ITGB6: variants seen among roughly 807,000 people sequenced by gnomAD.
ITGB6 encodes integrin subunit beta 6, also known as integrin beta-6.
In ITGB6, 80 loss-of-function variants were observed where a neutral mutation model predicts 84.5. The observed-to-expected ratio is 0.95, with a 90% CI of 0.79 to 1.14. The LOEUF is 1.14. Among genes scored for constraint, ITGB6 ranks in the 50% most tolerant of loss-of-function variants. ITGB6 has a pLI of 0.00. For missense variants in ITGB6, 1,006 were observed against 968.0 expected (o/e 1.04, Z -0.52); for synonymous variants, 383 against 354.9 (o/e 1.08, Z -0.89).
In ITGB6 at chr2:160,126,406, G is replaced by T; in HGVS notation, c.1856C>A (p.Thr619Asn). 1 of 1,614,178 alleles carries T rather than the reference G, an allele frequency of 6.2e-7. No homozygotes were observed. The highest frequency in any genetic ancestry group is 1.3e-5 in the African/African-American group (1 of 75,058). The change falls in exon 11 of 15, where the codon ACC becomes AAC. Residue 619 changes from threonine (T) to asparagine (N), a missense_variant. Coordinates refer to ENST00000283249, the MANE Select transcript of ITGB6 (RefSeq NM_000888.5). ...TTTAGAGTTACAGGGGTCACCACAG[G>T]TAGGACATCGTTCACAGGTTGGTCC... is the stretch of plus-strand genomic sequence containing the variant. ...ASGPTCERCP[T>N]CGDPCNSKRS...
intron 4 of ITGB6, among the ~76,000 whole-genome samples, chr2:160,179,283 A>G (rs1574127405): frequency 6.6e-6 from 1 of 151,826 alleles, no homozygotes; most frequent in African/African-American, 2.4e-5. Context: ...TTTCACATGG[A>G]CTTATTACCT....
At chr2:160,177,672 T>C (rs1685483440) in intron 4 of ITGB6, among the ~76,000 whole-genome samples, 1 of 152,234 alleles carries the variant, frequency 6.6e-6, no homozygotes, top group Non-Finnish European at 1.5e-5. Context: ...CTTAAAAGTT[T>C]TGATGCAGTC....
chr2:160,155,581 A>C (rs908243714), intron 7 of ITGB6, among the ~76,000 whole-genome samples: 3 of 152,168 alleles, frequency 2.0e-5, no homozygotes, highest in Non-Finnish European at 4.4e-5. Flanking sequence ...AAATCTCTCT[A>C]TACCCTCTAC....
intron 4 of ITGB6, among the ~76,000 whole-genome samples, chr2:160,186,736 C>T (rs1331514314): frequency 6.6e-6 from 1 of 152,126 alleles, no homozygotes; most frequent in African/African-American, 2.4e-5. Flanking sequence ...CAATGATAGA[C>T]TGGATAAAGA....
At chr2:160,186,578 C>T (rs1685907195) in intron 4 of ITGB6, among the ~76,000 whole-genome samples, 1 of 152,098 alleles carries the variant, frequency 6.6e-6, no homozygotes, top group Non-Finnish European at 1.5e-5. Context: ...GGATCTAGAA[C>T]CAGAAATACC....
At chr2:160,197,653 T>C (rs1384990874) in intron 2 of ITGB6, among the ~76,000 whole-genome samples, 1 of 152,236 alleles carries the variant, frequency 6.6e-6, no homozygotes, top group Non-Finnish European at 1.5e-5. Flanking sequence ...GAGAATACAA[T>C]TTGTTATCTA....
intron 7 of ITGB6, among the ~76,000 whole-genome samples, chr2:160,164,327 C>T (rs991579927): frequency 1.3e-5 from 2 of 152,158 alleles, no homozygotes; most frequent in African/African-American, 4.8e-5. Context: ...GTCTTAGTTT[C>T]AATGATATGC....
At chr2:160,116,071 A>G (rs1044642188) in intron 12 of ITGB6, among the ~76,000 whole-genome samples, 1 of 147,648 alleles carries the variant, frequency 6.8e-6, no homozygotes, top group Non-Finnish European at 1.5e-5. Flanking sequence ...GAATGGAACC[A>G]AGTTGGAAAA....
Position 160,196,389 on chromosome 2 carries a change from C to G in ITGB6, c.173G>C (p.Arg58Thr), listed in dbSNP as rs1274368531. 4.3e-6 allele frequency: 7 copies of G among 1,613,648 alleles called. No individual in the cohort carries two copies. Among genetic ancestry groups the G allele is most frequent in the Non-Finnish European group, 5.9e-6 (7 of 1,179,832 alleles). ...NFTHPSGVGE[R>T]CDTPANLLAK... ...TAAAAGGTTTGCTGGGGTATCACAC[C>G]TTTCGCCAACTCCAGATGGATGAGT... Residue 58 changes from arginine (R) to threonine (T), a missense_variant, in exon 3 of 15, where the codon AGG becomes ACG. Physicochemically the swap from Arg to Thr is moderately conservative, Grantham distance 71. Transcript: ENST00000283249.
intron 7 of ITGB6, among the ~76,000 whole-genome samples, chr2:160,143,865 G>T (rs1684091756): frequency 6.6e-6 from 1 of 152,140 alleles, no homozygotes; most frequent in Non-Finnish European, 1.5e-5. Flanking sequence ...TGCATGCAGG[G>T]TGCCCCGGGC....
intron 4 of ITGB6, 151 bp from the exon 5 acceptor site, chr2:160,174,290 G>T (rs1219224742): frequency 6.4e-6 from 4 of 621,422 alleles, no homozygotes; most frequent in Non-Finnish European, 1.1e-5. Context: ...CACTGTTAAG[G>T]TTGTTGACAT....
At chr2:160,187,705 G>A (rs780940363) in intron 4 of ITGB6, among the ~76,000 whole-genome samples, 9 of 151,988 alleles carry the variant, frequency 5.9e-5, no homozygotes, top group Non-Finnish European at 8.8e-5. Flanking sequence ...TTTTTGTTTT[G>A]TTTCAGAAAA....
At chr2:160,120,054 T>G (rs35324843) in intron 12 of ITGB6, among the ~76,000 whole-genome samples, 98,257 of 148,456 alleles carry the variant, frequency 0.66, 32,807 homozygotes, top group Admixed American at 0.73. Context: ...TAGGAACACT[T>G]TTACACTGTT....
chr2:160,169,271 C>T lies in ITGB6; in HGVS notation c.958G>A (p.Val320Ile). ...PTIGQLIDKL[V>I]QNNVLLIFAV... ...AAGATCAATAACACGTTGTTTTGTACCAGTTTATCAATGAGTTGTCCAATT... is the reference window on the plus strand; with the variant it reads ...AAGATCAATAACACGTTGTTTTGTATCAGTTTATCAATGAGTTGTCCAATT... The change falls in exon 7 of 15, where the codon GTA (valine) becomes ATA (isoleucine). Residue 320 changes from valine (V) to isoleucine (I), a missense_variant. Transcript: ENST00000283249. The T allele has an allele frequency of 6.2e-7, 1 of 1,601,776 alleles. No individual in the cohort carries two copies. The highest frequency in any genetic ancestry group is 2.2e-5 in the East Asian group (1 of 44,574).
At chr2:160,179,836 G>T (rs935887861) in intron 4 of ITGB6, among the ~76,000 whole-genome samples, 1 of 149,670 alleles carries the variant, frequency 6.7e-6, no homozygotes, top group African/African-American at 2.5e-5. Context: ...GGTGGTTCAC[G>T]CCTGTAATCC....
intron 14 of ITGB6, among the ~76,000 whole-genome samples, chr2:160,104,582 ACT>A (rs1362216429): frequency 1.3e-5 from 2 of 151,996 alleles, no homozygotes; most frequent in East Asian, 1.9e-4. Flanking sequence ...TAATAGGAAA[ACT>A]CTGTCATGAC....
intron 14 of ITGB6, among the ~76,000 whole-genome samples, chr2:160,104,307 G>T (rs1559076241): frequency 6.6e-6 from 1 of 152,182 alleles, no homozygotes; most frequent in Non-Finnish European, 1.5e-5. Flanking sequence ...ATTGGGTTTT[G>T]TTCCAGGAGG....
intron 7 of ITGB6, among the ~76,000 whole-genome samples, chr2:160,160,708 C>T (rs934792981): frequency 2.0e-5 from 3 of 152,068 alleles, no homozygotes; most frequent in Admixed American, 6.6e-5. Flanking sequence ...AAGGCTATGA[C>T]ACGTGGAAAA....
At chr2:160,156,627 T>C (rs1304080935) in intron 7 of ITGB6, among the ~76,000 whole-genome samples, 2 of 152,202 alleles carry the variant, frequency 1.3e-5, no homozygotes, top group Admixed American at 1.3e-4. Context: ...AGCTAACCGT[T>C]AGACCTCACA....
Sources: allele counts gnomAD v4.1 joint callset (sites outside exome capture counted in the v4.1 genomes callset), GRCh38; gene constraint gnomAD v4.1.1; transcripts MANE v1.5; gene names NCBI Gene and HGNC (gene_info 2026-07-23, HGNC 2026-07-21).